Variants in RBFOX1 observed in about 807,000 individuals in gnomAD.
The protein encoded by RBFOX1 is RNA binding fox-1 homolog 1.
In RBFOX1, 8 loss-of-function variants were observed where a neutral mutation model predicts 57.7. The observed-to-expected ratio is 0.14, with a 90% CI of 0.08 to 0.25. RBFOX1 has a LOEUF of 0.25. Ranked by LOEUF, RBFOX1 falls within the 10% of genes least tolerant of loss-of-function variation. The pLI is 1.00. For synonymous variants in RBFOX1, 326 were observed against 222.4 expected, an observed-to-expected ratio of 1.47 and a Z score of -4.15; for missense variants, 611 against 548.5, an observed-to-expected ratio of 1.11 and a Z score of -1.14.
intron 6 of RBFOX1, among the ~76,000 whole-genome samples, chr16:7,584,087 A>C (rs6500989): frequency 3.3e-5 from 5 of 152,084 alleles, no homozygotes; most frequent in African/African-American, 1.2e-4. Flanking sequence ...CATTCTGAAC[A>C]GGAAGCTGAC....
chr16:5,513,138 C>A (rs1325608046), intron 2 of RBFOX1, among the ~76,000 whole-genome samples: 1 of 152,184 alleles, frequency 6.6e-6, no homozygotes, highest in Non-Finnish European at 1.5e-5. Context: ...TGGTCTTGAA[C>A]TCCAGGGCTC....
intron 3 of RBFOX1, among the ~76,000 whole-genome samples, chr16:6,849,656 A>C (rs1292281787): frequency 6.6e-6 from 1 of 152,200 alleles, no homozygotes; most frequent in Admixed American, 6.5e-5. Context: ...GCAAGAAAGC[A>C]AGACTCCATC....
intron 4 of RBFOX1, among the ~76,000 whole-genome samples, chr16:7,102,116 C>T (rs1443065048): frequency 6.6e-6 from 1 of 151,918 alleles, no homozygotes; most frequent in Non-Finnish European, 1.5e-5. Context: ...AGAAATGGTC[C>T]TGCCTGTGCC....
At chr16:7,383,110 G>C (rs547637909) in intron 4 of RBFOX1, among the ~76,000 whole-genome samples, 2 of 152,072 alleles carry the variant, frequency 1.3e-5, no homozygotes, top group African/African-American at 4.8e-5. Flanking sequence ...GATTCTAGCA[G>C]GTGTTCATGG....
rs573024571 is a variant in RBFOX1, at chr16:6,318,094, G to T, written c.-64+1037G>T. On this transcript the variant is annotated intron_variant, in intron 2 of 15. Transcript: ENST00000550418. Reference sequence around the variant, plus strand: ...ATTGCAGGACTCTTTCTATTGTCTTGGAATTTGCATATTCAAATGCAGAGG... The same window carrying T: ...ATTGCAGGACTCTTTCTATTGTCTTTGAATTTGCATATTCAAATGCAGAGG... 2.3e-3 allele frequency among the ~76,000 whole-genome samples: 349 copies of T among 152,224 alleles called. 1 individual carries two copies. Among genetic ancestry groups the T allele is most frequent in the Middle Eastern group, 6.8e-3 (2 of 294 alleles).
At chr16:5,369,805 A>G (rs866239400) in intron 1 of RBFOX1, among the ~76,000 whole-genome samples, 2 of 152,298 alleles carry the variant, frequency 1.3e-5, no homozygotes, top group South Asian at 2.1e-4. Flanking sequence ...TCTAGACGCT[A>G]TCATTTAAAA....
chr16:7,357,383 C>T (rs944708382), intron 4 of RBFOX1, among the ~76,000 whole-genome samples: 4 of 152,092 alleles, frequency 2.6e-5, no homozygotes, highest in Non-Finnish European at 5.9e-5. Flanking sequence ...GAATCAGAAG[C>T]ATTGATTAAG....
At chr16:6,846,510 A>C (rs1343479710) in intron 3 of RBFOX1, among the ~76,000 whole-genome samples, 1 of 152,152 alleles carries the variant, frequency 6.6e-6, no homozygotes, top group Non-Finnish European at 1.5e-5. Context: ...AATGAAACAA[A>C]ATGTGTAACA....
chr16:5,916,419 T>G (rs940012264), intron 4 of RBFOX1, among the ~76,000 whole-genome samples: 6 of 152,170 alleles, frequency 3.9e-5, no homozygotes, highest in African/African-American at 1.4e-4. Flanking sequence ...CCAATCTCTT[T>G]GCTCATAAGA....
At chr16:5,755,119 C>T (rs1241878310) in intron 3 of RBFOX1, among the ~76,000 whole-genome samples, 13 of 94,908 alleles carry the variant, frequency 1.4e-4, no homozygotes, top group African/African-American at 5.5e-4. Flanking sequence ...TCTTAAGGAG[C>T]ATGCTGCCTT....
chr16:6,813,393 C>G (rs12924909), intron 3 of RBFOX1, among the ~76,000 whole-genome samples: 2 of 151,878 alleles, frequency 1.3e-5, no homozygotes, highest in Non-Finnish European at 2.9e-5. Context: ...TGAGAATGCT[C>G]GTATGGGTTC....
chr16:6,922,366 C>T (rs1430528992), intron 3 of RBFOX1, among the ~76,000 whole-genome samples: 1 of 152,170 alleles, frequency 6.6e-6, no homozygotes, highest in Non-Finnish European at 1.5e-5. Context: ...CCCTTGCAAG[C>T]CCACTAAAGA....
chr16:7,504,699 T>C (rs1219392504), intron 4 of RBFOX1, among the ~76,000 whole-genome samples: 1 of 119,112 alleles, frequency 8.4e-6, no homozygotes, highest in African/African-American at 4.2e-5. Context: ...CCTGTGGAGA[T>C]GAAGTGAGAT....
chr16:6,911,390 G>T (rs977388724), intron 3 of RBFOX1, among the ~76,000 whole-genome samples: 1 of 152,146 alleles, frequency 6.6e-6, no homozygotes, highest in Non-Finnish European at 1.5e-5. Context: ...GGGCTGGGAG[G>T]AGGAATCTGT....
rs148590106 is a variant in RBFOX1 at position 7,132,036 on chromosome 16, G to C, written c.27+79938G>C. On this transcript the variant is annotated intron_variant, in intron 4 of 15. Transcript: ENST00000550418. ...TTTTTGAGTGTCATTCTGTTACCCA[G>C]ACTAGAGCGAAGTGGCACAATATCA... Among the ~76,000 whole-genome samples the C allele has an allele frequency of 1.5e-3, 208 of 137,030 alleles. 2 individuals are homozygous for C. In the South Asian group the frequency reaches 0.021, roughly 14 times the overall value. 89.9% of individuals were successfully genotyped at this position (137,030 alleles called of 152,430 possible).
chr16:6,615,125 A>G (rs1199526448), intron 2 of RBFOX1, among the ~76,000 whole-genome samples: 5 of 152,228 alleles, frequency 3.3e-5, no homozygotes, highest in African/African-American at 1.2e-4. Flanking sequence ...AACTCATTGT[A>G]TAAAATACAG....
At chr16:6,827,835 C>T (rs924977030) in intron 3 of RBFOX1, among the ~76,000 whole-genome samples, 1 of 152,240 alleles carries the variant, frequency 6.6e-6, no homozygotes, top group Non-Finnish European at 1.5e-5. Context: ...TGCCTTGAAA[C>T]CTCAGGTCCT....
intron 2 of RBFOX1, among the ~76,000 whole-genome samples, chr16:6,375,628 G>A (rs1056927093): frequency 6.6e-6 from 1 of 152,080 alleles, no homozygotes; most frequent in African/African-American, 2.4e-5. Flanking sequence ...TTGCTGGACA[G>A]CCCCCTTGGA....
chr16:6,538,963 T>G (rs1362337), intron 2 of RBFOX1, among the ~76,000 whole-genome samples: 150,013 of 152,124 alleles, frequency 0.99, 74,007 homozygotes, highest in Middle Eastern at 1. Flanking sequence ...TTGGCTGGTT[T>G]GTTGGTGTTT....
Sources: allele counts gnomAD v4.1 joint callset (sites outside exome capture counted in the v4.1 genomes callset), GRCh38; gene constraint gnomAD v4.1.1; transcripts MANE v1.5; gene names NCBI Gene and HGNC (gene_info 2026-07-23, HGNC 2026-07-21).